The following MRPS28 variants were observed in gnomAD, a reference collection of about 807,000 sequenced individuals.
MRPS28 encodes the protein mitochondrial ribosomal protein S28, also known as small ribosomal subunit protein bS1m.
MRPS28 carries 7 observed loss-of-function variants against 10.8 expected under a neutral mutation model. That is an observed-to-expected ratio of 0.65 (90% CI 0.37 to 1.22). The LOEUF (loss-of-function observed/expected upper bound fraction) is 1.22. Among genes scored for constraint, MRPS28 ranks in the 50% most tolerant of loss-of-function variants. MRPS28 has a pLI of 0.02. For missense variants in MRPS28, 265 were observed against 232.9 expected, an observed-to-expected ratio of 1.14 and a Z score of -0.90; for synonymous variants, 121 against 93.3, an observed-to-expected ratio of 1.30 and a Z score of -1.71.
intron 2 of MRPS28, among the ~76,000 whole-genome samples, chr8:79,947,758 C>T (rs1806961428): frequency 1.3e-5 from 2 of 150,226 alleles, no homozygotes; most frequent in South Asian, 2.1e-4. Flanking sequence ...CCTCAGCCTC[C>T]CGAGTAGCTG....
intron 2 of MRPS28, among the ~76,000 whole-genome samples, chr8:79,948,561 A>T (rs901387061): frequency 1.3e-5 from 2 of 152,190 alleles, no homozygotes; most frequent in Non-Finnish European, 2.9e-5. Flanking sequence ...GATTTTAGAA[A>T]ATATCAAGGC....
intron 2 of MRPS28, among the ~76,000 whole-genome samples, chr8:79,922,799 A>G (rs1194494935): frequency 2.0e-5 from 3 of 152,072 alleles, no homozygotes; most frequent in Non-Finnish European, 4.4e-5. Flanking sequence ...CTGGTTAAAA[A>G]TCACAAATCT....
chr8:79,973,884 T>C (rs894689835), intron 2 of MRPS28, among the ~76,000 whole-genome samples: 3 of 150,836 alleles, frequency 2.0e-5, no homozygotes, highest in Non-Finnish European at 4.4e-5. Context: ...TCTAAGCAGA[T>C]ACAAGTAGGT....
At chr8:79,973,035 A>G (rs1243127803) in intron 2 of MRPS28, among the ~76,000 whole-genome samples, 1 of 152,236 alleles carries the variant, frequency 6.6e-6, no homozygotes, top group African/African-American at 2.4e-5. Flanking sequence ...ATAGGTATTC[A>G]ACAGGGCAAA....
At chr8:79,935,823 C>T (rs545707816) in intron 2 of MRPS28, among the ~76,000 whole-genome samples, 2 of 152,074 alleles carry the variant, frequency 1.3e-5, no homozygotes, top group East Asian at 1.9e-4. Context: ...CCAAGAAAGA[C>T]TTTTCTGGTA....
intron 2 of MRPS28, among the ~76,000 whole-genome samples, chr8:79,925,687 G>A (rs957047931): frequency 3.3e-5 from 5 of 152,286 alleles, no homozygotes; most frequent in Non-Finnish European, 5.9e-5. Flanking sequence ...AAAAGAAGAT[G>A]TGTCAAGAAA....
intron 2 of MRPS28, among the ~76,000 whole-genome samples, chr8:79,952,592 A>C (rs2129974844): frequency 6.6e-6 from 1 of 152,310 alleles, no homozygotes; most frequent in South Asian, 2.1e-4. Flanking sequence ...AATCATAGAA[A>C]GCATACTAGC....
chr8:79,985,316 GA>G (rs1200827204), intron 2 of MRPS28, among the ~76,000 whole-genome samples: 3 of 152,168 alleles, frequency 2.0e-5, no homozygotes, highest in Non-Finnish European at 4.4e-5. Context: ...GCCCACAAGA[GA>G]AAGCAGGAAA....
intron 2 of MRPS28, among the ~76,000 whole-genome samples, chr8:79,943,316 G>T (rs917008230): frequency 1.3e-5 from 2 of 152,202 alleles, no homozygotes; most frequent in Non-Finnish European, 2.9e-5. Flanking sequence ...GCCGAAGAAG[G>T]AATACAACTA....
chr8:80,017,410 A>G (rs569099888), intron 1 of MRPS28, among the ~76,000 whole-genome samples: 18 of 152,300 alleles, frequency 1.2e-4, no homozygotes, highest in African/African-American at 4.3e-4. Flanking sequence ...ATTACTAATA[A>G]TAGAAATGAA....
chr8:80,020,795 A>G (rs2130239066), intron 1 of MRPS28, among the ~76,000 whole-genome samples: 1 of 152,346 alleles, frequency 6.6e-6, no homozygotes, highest in East Asian at 1.9e-4. Context: ...GCCAACGAAC[A>G]CACATTTACA....
At position 79,920,860 on chromosome 8, in the gene MRPS28, G is replaced by T. The variant is rs1014887323; in HGVS notation, c.396-1712C>A. On this transcript the variant is annotated intron_variant, in intron 2 of 2. Transcript: ENST00000276585. Reference sequence around the variant, plus strand: ...TTGGTGTTTTAGACATGAAGTCCTTGCGCATGCCTATGTCCTGAATAGTAT... The same window carrying T: ...TTGGTGTTTTAGACATGAAGTCCTTTCGCATGCCTATGTCCTGAATAGTAT... 6.6e-5 allele frequency among the ~76,000 whole-genome samples: 10 copies of T among 152,248 alleles called. 1 individual carries two copies. The highest frequency in any genetic ancestry group is 7.2e-5 in the African/African-American group (3 of 41,532).
chr8:79,950,078 A>G (rs867738437), intron 2 of MRPS28, among the ~76,000 whole-genome samples: 4 of 152,160 alleles, frequency 2.6e-5, no homozygotes, highest in African/African-American at 7.2e-5. Flanking sequence ...GCTCCCAAGC[A>G]AAAAACCCCA....
intron 2 of MRPS28, among the ~76,000 whole-genome samples, chr8:79,960,019 G>A (rs989088618): frequency 2.0e-5 from 3 of 152,160 alleles, no homozygotes; most frequent in South Asian, 2.1e-4. Flanking sequence ...TGTTTTACAG[G>A]GGTGACTGCT....
intron 2 of MRPS28, among the ~76,000 whole-genome samples, chr8:79,952,035 C>T (rs913765660): frequency 7.2e-5 from 11 of 152,126 alleles, no homozygotes; most frequent in African/African-American, 2.4e-4. Flanking sequence ...CACATGACGG[C>T]GCACTTTTAA....
intron 2 of MRPS28, among the ~76,000 whole-genome samples, chr8:79,920,757 T>C (rs1810071169): frequency 6.6e-6 from 1 of 152,232 alleles, no homozygotes; most frequent in African/African-American, 2.4e-5. Context: ...ACTCTGATGG[T>C]AGTTTCTTTT....
At chr8:80,018,678 T>C (rs570129417) in intron 1 of MRPS28, among the ~76,000 whole-genome samples, 1 of 152,324 alleles carries the variant, frequency 6.6e-6, no homozygotes, top group Non-Finnish European at 1.5e-5. Context: ...ATCAGTATAC[T>C]GAAGAGACAT....
chr8:80,007,546 C>G (rs1563541058), intron 1 of MRPS28, among the ~76,000 whole-genome samples: 3 of 152,182 alleles, frequency 2.0e-5, no homozygotes, highest in African/African-American at 7.2e-5. Context: ...CCAAAATCTC[C>G]TTAAGCTGAT....
chr8:80,028,341 A>C (rs1402181612), intron 1 of MRPS28, among the ~76,000 whole-genome samples: 10 of 152,166 alleles, frequency 6.6e-5, no homozygotes, highest in Non-Finnish European at 1.2e-4. Flanking sequence ...TTCCAACCTT[A>C]CTGCACTTAA....
Sources: gnomAD v4.1 joint callset for allele counts (sites outside exome capture counted in the v4.1 genomes callset) on GRCh38, gnomAD v4.1.1 for gene constraint, MANE v1.5 for transcripts, NCBI Gene and HGNC (gene_info 2026-07-23, HGNC 2026-07-21) for gene names.